PIP5K1B: variants seen among roughly 807,000 people sequenced by gnomAD.
PIP5K1B encodes phosphatidylinositol 4-phosphate 5-kinase type-1 beta.
A neutral mutation model predicts 67.0 loss-of-function variants in PIP5K1B; 42 were observed. The ratio of observed to expected loss-of-function variants is 0.63; its 90% CI spans 0.49 to 0.81. PIP5K1B has a LOEUF of 0.81. PIP5K1B is among the 30% of genes least tolerant of loss of function. The pLI is 0.00. For missense variants in PIP5K1B, 459 were observed against 646.3 expected, an observed-to-expected ratio of 0.71 and a Z score of 3.14; for synonymous variants, 214 against 231.4, an observed-to-expected ratio of 0.92 and a Z score of 0.68.
intron 2 of PIP5K1B, among the ~76,000 whole-genome samples, chr9:68,771,308 T>G (rs1441062896): frequency 6.6e-6 from 1 of 152,250 alleles, no homozygotes; most frequent in Non-Finnish European, 1.5e-5. Flanking sequence ...CTCGCTAGTA[T>G]CTGTAAGCCT....
chr9:69,007,855 TAA>T (rs531814873), intron 15 of PIP5K1B, among the ~76,000 whole-genome samples: 4 of 141,476 alleles, frequency 2.8e-5, no homozygotes. Context: ...AGACTCCATC[TAA>T]AAAAAAAAAA....
chr9:68,856,742 C>T (rs1822797832), intron 4 of PIP5K1B, among the ~76,000 whole-genome samples: 1 of 152,218 alleles, frequency 6.6e-6, no homozygotes, highest in African/African-American at 2.4e-5. Flanking sequence ...AATGAACAGC[C>T]TCTGACTGAA....
intron 6 of PIP5K1B, among the ~76,000 whole-genome samples, chr9:68,881,870 A>G (rs1252269198): frequency 1.3e-5 from 2 of 152,212 alleles, no homozygotes; most frequent in East Asian, 1.9e-4. Context: ...TGGATATTCA[A>G]AAATCCAGTA....
chr9:68,748,613 C>CTTTT (rs58954806), intron 2 of PIP5K1B, among the ~76,000 whole-genome samples: 2,036 of 97,002 alleles, frequency 0.021, 1 homozygote, highest in East Asian at 0.028. Flanking sequence ...GATTTCTTTT[C>CTTTT]TTTTTTTTTT....
At chr9:68,934,547 A>C (rs192943813) in intron 12 of PIP5K1B, among the ~76,000 whole-genome samples, 91 of 152,282 alleles carry the variant, frequency 6.0e-4, no homozygotes, top group African/African-American at 2.1e-3. Flanking sequence ...CACTAGAAAA[A>C]CATTGTTTGG....
At chr9:68,975,696 ATCAGCAGGGTTT>A (rs1829604552) in intron 14 of PIP5K1B, among the ~76,000 whole-genome samples, 1 of 152,184 alleles carries the variant, frequency 6.6e-6, no homozygotes, top group Non-Finnish European at 1.5e-5. Context: ...AAATCCAGGT[ATCAGCAGGGTTT>A]TCCCTCTGAG....
intron 2 of PIP5K1B, among the ~76,000 whole-genome samples, 179 bp from the exon 3 acceptor site, chr9:68,818,282 C>T (rs991327468): frequency 6.6e-6 from 1 of 152,238 alleles, no homozygotes; most frequent in African/African-American, 2.4e-5. Flanking sequence ...GTTCTATGCA[C>T]AGCCCTTGCT....
At chr9:68,882,914 A>G (rs1824270642) in intron 6 of PIP5K1B, among the ~76,000 whole-genome samples, 1 of 152,228 alleles carries the variant, frequency 6.6e-6, no homozygotes, top group Non-Finnish European at 1.5e-5. Context: ...AGTCATGGGC[A>G]GTAGGCTGAG....
chr9:68,999,585 A>C (rs900775797), intron 15 of PIP5K1B, among the ~76,000 whole-genome samples: 11 of 152,198 alleles, frequency 7.2e-5, no homozygotes, highest in African/African-American at 9.7e-5. Flanking sequence ...AAACCTCTAC[A>C]CACACCAGAG....
At chr9:68,836,973 C>T (rs959284109) in intron 4 of PIP5K1B, among the ~76,000 whole-genome samples, 1 of 152,216 alleles carries the variant, frequency 6.6e-6, no homozygotes, top group Non-Finnish European at 1.5e-5. Flanking sequence ...GAATTTAAAC[C>T]CACAGTCTAC....
intron 1 of PIP5K1B, among the ~76,000 whole-genome samples, chr9:68,735,702 T>A (rs1828706435): frequency 6.6e-6 from 1 of 152,084 alleles, no homozygotes; most frequent in African/African-American, 2.4e-5. Flanking sequence ...AAATAGATAT[T>A]TTAAATATGA....
chr9:68,801,294 G>A (rs563186348), intron 2 of PIP5K1B, among the ~76,000 whole-genome samples: 1 of 152,110 alleles, frequency 6.6e-6, no homozygotes, highest in African/African-American at 2.4e-5. Context: ...GATACTTAGC[G>A]GTATTAACAC....
At chr9:68,918,584 C>T (rs1391611492) in intron 9 of PIP5K1B, among the ~76,000 whole-genome samples, 1 of 152,182 alleles carries the variant, frequency 6.6e-6, no homozygotes, top group East Asian at 1.9e-4. Flanking sequence ...GAAACAACTG[C>T]AACCAAAGTA....
chr9:68,993,681 C>G (rs1190113480), intron 15 of PIP5K1B, among the ~76,000 whole-genome samples: 2 of 152,184 alleles, frequency 1.3e-5, no homozygotes, highest in African/African-American at 4.8e-5. Context: ...ATGTTGGATT[C>G]ATCTGGAACC....
chr9:68,982,967 A>G (rs1829950550), intron 14 of PIP5K1B, among the ~76,000 whole-genome samples: 1 of 152,188 alleles, frequency 6.6e-6, no homozygotes, highest in South Asian at 2.1e-4. Context: ...TCTTGAGCCT[A>G]GGTAAGACTT....
intron 4 of PIP5K1B, 59 bp downstream of exon 4, chr9:68,822,742 AT>A (rs1833793293): frequency 8.8e-7 from 1 of 1,138,392 alleles, no homozygotes; most frequent in Non-Finnish European, 1.3e-6. Flanking sequence ...GCACGTGAAT[AT>A]TATCAAAGGC....
chr9:68,750,837 T>A (rs946829714), intron 2 of PIP5K1B, among the ~76,000 whole-genome samples: 6 of 152,270 alleles, frequency 3.9e-5, no homozygotes, highest in African/African-American at 1.4e-4. Context: ...AGGGGACAGT[T>A]TTTAATCCTT....
chr9:68,791,207 C>T (rs1011037099), intron 2 of PIP5K1B, among the ~76,000 whole-genome samples: 2 of 152,112 alleles, frequency 1.3e-5, no homozygotes, highest in Non-Finnish European at 2.9e-5. Flanking sequence ...GGTAATCGCT[C>T]CTGGGATTCG....
At chr9:68,880,121 C>G (rs1824105932) in intron 6 of PIP5K1B, among the ~76,000 whole-genome samples, 1 of 152,088 alleles carries the variant, frequency 6.6e-6, no homozygotes, top group Admixed American at 6.6e-5. Context: ...GGTTGGAGGT[C>G]TAGAAGAAAC....
Sources: gnomAD v4.1 joint callset for allele counts (sites outside exome capture counted in the v4.1 genomes callset) on GRCh38, gnomAD v4.1.1 for gene constraint, MANE v1.5 for transcripts, NCBI Gene and HGNC (gene_info 2026-07-23, HGNC 2026-07-21) for gene names.